CYP3A5: variants seen among roughly 807,000 people sequenced by gnomAD.
CYP3A5 encodes cytochrome P450 family 3 subfamily A member 5, also known as cytochrome P450 3A5.
Under a neutral mutation model 55.9 loss-of-function variants are expected in CYP3A5, and 51 were observed. That is an observed-to-expected ratio of 0.91 (90% CI 0.73 to 1.15). The LOEUF (loss-of-function observed/expected upper bound fraction) is 1.15. Among genes scored for constraint, CYP3A5 ranks in the 50% most tolerant of loss-of-function variants. The pLI is 0.00. For synonymous variants in CYP3A5, 196 were observed against 213.9 expected (o/e 0.92, Z 0.73); for missense variants, 533 against 596.6 (o/e 0.89, Z 1.11).
Position 99,660,609 on chromosome 7 carries a change from C to T in CYP3A5, c.916G>A (p.Gly306Ser). Residue 306 changes from glycine (G) to serine (S), a missense_variant, in exon 10 of 13, where the codon GGC becomes AGC. Transcript: ENST00000222982. ...AAQSIIFIFAGYETTSSVLSF... is the reference protein window; with the variant it reads ...AAQSIIFIFASYETTSSVLSF... ...AGAACACTGCTGGTGGTTTCATAGC[C>T]AGCAAAAATGAAGATTATTGACTGG... The T allele has an allele frequency of 6.2e-7, 1 of 1,613,876 alleles. No individual in the cohort carries two copies. The highest frequency in any genetic ancestry group is 8.5e-7 in the Non-Finnish European group (1 of 1,179,938).
chr7:99,661,980 T>C (rs1311748419), intron 9 of CYP3A5, among the ~76,000 whole-genome samples: 1 of 152,274 alleles, frequency 6.6e-6, no homozygotes, highest in African/African-American at 2.4e-5. Flanking sequence ...TAGTGATTTC[T>C]ATATGAAACA....
At chr7:99,654,768 C>T (rs549117628) in intron 10 of CYP3A5, among the ~76,000 whole-genome samples, 1,690 of 152,272 alleles carry the variant, frequency 0.011, 32 homozygotes, top group African/African-American at 0.038. Flanking sequence ...TTTTAATGAT[C>T]GCCATTCTAA....
At chr7:99,668,791 A>G (rs1214095037) in intron 4 of CYP3A5, among the ~76,000 whole-genome samples, 1 of 152,222 alleles carries the variant, frequency 6.6e-6, no homozygotes, top group Non-Finnish European at 1.5e-5. Flanking sequence ...ATTTGTACGC[A>G]TGTGTGGCTT....
chr7:99,648,488 A>T (rs2151342825), intron 12 of CYP3A5, 88 bp from the exon 13 acceptor site: 338 of 716,282 alleles, frequency 4.7e-4, no homozygotes, highest in Non-Finnish European at 6.4e-4. Context: ...TATGACAAAA[A>T]TGCTTTGCAA....
At chr7:99,665,071 G>A (rs1810859505) in intron 7 of CYP3A5, 95 bp downstream of exon 7, 3 of 1,094,868 alleles carry the variant, frequency 2.7e-6, no homozygotes. Context: ...CAATGGAATT[G>A]TACCTTTTAA....
At chr7:99,675,536 G>A (rs750749621) in intron 2 of CYP3A5, among the ~76,000 whole-genome samples, 1 of 151,262 alleles carries the variant, frequency 6.6e-6, no homozygotes, top group Admixed American at 6.6e-5. Flanking sequence ...CTGGACATGA[G>A]CTTGTGACTT....
In CYP3A5 at chr7:99,676,125, G is replaced by A. The variant is rs930419944; in HGVS notation, c.155C>T (p.Ser52Phe). ...TPLPLLGNVL[S>F]YRQGLWKFDT... ...GCTCAAGCAACTCACCTGACGATAG[G>A]ACAAAACATTTCCCAACAAAGGCAG... The change falls in exon 2 of 13, where the codon TCC becomes TTC. Residue 52 changes from serine to phenylalanine, a missense_variant. Ser to Phe is a radical substitution (Grantham distance 155). Coordinates refer to ENST00000222982, the MANE Select transcript of CYP3A5 (RefSeq NM_000777.5). 6.2e-7 allele frequency: 1 copy of A among 1,613,450 alleles called. No individual in the cohort carries two copies. The highest frequency in any genetic ancestry group is 8.5e-7 in the Non-Finnish European group (1 of 1,179,776).
At chr7:99,675,621 CCTTTT>C (rs1812152447) in intron 2 of CYP3A5, among the ~76,000 whole-genome samples, 1 of 126,324 alleles carries the variant, frequency 7.9e-6, no homozygotes, top group Non-Finnish European at 1.7e-5. Context: ...TCTCTCCTCT[CCTTTT>C]CTCTCCTCTC....
Position 99,652,574 on chromosome 7 carries a change from G to C in CYP3A5, c.1232C>G (p.Pro411Arg), listed in dbSNP as rs1299406057. Residue 411 changes from proline to arginine, a missense_variant, in exon 11 of 13, where the codon CCT becomes CGT. By Grantham distance (103) the Pro-to-Arg change is moderately radical (BLOSUM62 -2). Transcript: ENST00000222982. ...GTACCTTTCAGGGCGGAACTCCTCA[G>C]GCTCTGTCCAGTACTTTGGGTCATG... ...LHHDPKYWTEPEEFRPERFSK... is the reference protein window; with the variant it reads ...LHHDPKYWTEREEFRPERFSK... 2 of 1,612,408 alleles carry C rather than the reference G, an allele frequency of 1.2e-6. No individual in the cohort carries two copies. Among genetic ancestry groups the C allele is most frequent in the Non-Finnish European group, 1.7e-6 (2 of 1,178,878 alleles).
At chr7:99,651,382 C>A (rs1163000657) in intron 11 of CYP3A5, among the ~76,000 whole-genome samples, 1 of 152,130 alleles carries the variant, frequency 6.6e-6, no homozygotes, top group East Asian at 1.9e-4. Flanking sequence ...TGACACATGG[C>A]AAGCACTATC....
At chr7:99,671,083 G>A (rs1348830619) in intron 4 of CYP3A5, 2 of 151,406 alleles carry the variant, frequency 1.3e-5, no homozygotes, top group Non-Finnish European at 2.9e-5. Context: ...TATCTGTGGT[G>A]GTAGATATAT....
intron 10 of CYP3A5, among the ~76,000 whole-genome samples, chr7:99,654,784 G>C (rs1273701971): frequency 6.6e-6 from 1 of 152,160 alleles, no homozygotes; most frequent in Non-Finnish European, 1.5e-5. Flanking sequence ...TCTAACTGGC[G>C]TGAGATGGTA....
rs28371764 is a variant in CYP3A5, at chr7:99,679,970, G to A, written c.-74C>T. On this transcript the variant is annotated 5_prime_UTR_variant, in exon 1 of 13. Transcript: ENST00000222982. ...AGTGCTGCTGTTTGCTGGGCTGTTT[G>A]CCTGGAGCTTCCCTGCCCTGCACAG... The A allele has an allele frequency of 0.031, 40,984 of 1,335,804 alleles. 748 individuals are homozygous for A. Among genetic ancestry groups the A allele is most frequent in the Middle Eastern group, 0.061 (339 of 5,526 alleles). 82.7% of individuals were successfully genotyped at this position (1,335,804 alleles called of 1,614,324 possible).
intron 10 of CYP3A5, among the ~76,000 whole-genome samples, chr7:99,658,358 A>T (rs368639602): frequency 6.6e-6 from 1 of 152,102 alleles, no homozygotes; most frequent in Non-Finnish European, 1.5e-5. Flanking sequence ...TTTGGCTGGA[A>T]ATGAAATTCT....
chr7:99,662,843 T>G lies in CYP3A5; in HGVS notation c.838A>C (p.Asn280His). Residue 280 changes from asparagine to histidine, a missense_variant, in exon 9 of 13, where the codon AAT becomes CAT. Asn to His is a moderately conservative substitution (Grantham distance 68, BLOSUM62 1). Transcript: ENST00000222982. This position sits in a 1 kb window ranked among gnomAD's most constrained non-coding sequence, Gnocchi z 4.3. Reference protein sequence around the residue: ...DFLQLMIDSQNSKETESHKAL... With the variant: ...DFLQLMIDSQHSKETESHKAL... ...TTGTGGGACTCAGTTTCTTTCGAAT[T>G]CTGGGAGTCAATCATCAGCTGAAGG... The G allele has an allele frequency of 6.2e-7, 1 of 1,613,998 alleles. No individual in the cohort carries two copies.
intron 3 of CYP3A5, among the ~76,000 whole-genome samples, chr7:99,673,875 G>C (rs902067535): frequency 6.6e-6 from 1 of 152,212 alleles, no homozygotes; most frequent in African/African-American, 2.4e-5. Context: ...AAAACCTGCA[G>C]AAAAGTGGTA....
chr7:99,654,899 T>C (rs1039438467), intron 10 of CYP3A5, among the ~76,000 whole-genome samples: 1 of 152,238 alleles, frequency 6.6e-6, no homozygotes, highest in Non-Finnish European at 1.5e-5. Context: ...TGTCTGTTCA[T>C]ATCCTTCCCC....
intron 1 of CYP3A5, among the ~76,000 whole-genome samples, chr7:99,679,002 T>A (rs1202515484): frequency 6.6e-6 from 1 of 152,194 alleles, no homozygotes; most frequent in Non-Finnish European, 1.5e-5. Flanking sequence ...AAAATCCAAA[T>A]TGGCTTTCAT....
chr7:99,672,140 C>T (rs1811718411), intron 4 of CYP3A5, among the ~76,000 whole-genome samples: 1 of 152,072 alleles, frequency 6.6e-6, no homozygotes, highest in South Asian at 2.1e-4. Context: ...CAACCTCCGC[C>T]TCCCAGGTTC....
Sources: gnomAD v4.1 joint callset for allele counts (sites outside exome capture counted in the v4.1 genomes callset) on GRCh38, gnomAD v4.1.1 for gene constraint, Gnocchi (gnomAD v3.1) non-coding constraint, MANE v1.5 for transcripts, NCBI Gene and HGNC (gene_info 2026-07-23, HGNC 2026-07-21) for gene names.